Variants in MNX1 observed in about 807,000 individuals in gnomAD.
The protein encoded by MNX1 is motor neuron and pancreas homeobox protein 1.
In MNX1, 2 loss-of-function variants were observed where a neutral mutation model predicts 17.3. The ratio of observed to expected loss-of-function variants is 0.12; its 90% CI spans 0.05 to 0.36. MNX1 has a LOEUF of 0.36. Ranked by LOEUF, MNX1 falls within the 10% of genes least tolerant of loss-of-function variation. The probability of loss-of-function intolerance (pLI) is 1.00; values close to 1 mark genes in which losing one functional copy is unlikely to be tolerated. For synonymous variants in MNX1, 306 were observed against 283.1 expected (o/e 1.08, Z -0.81); for missense variants, 556 against 564.7 (o/e 0.98, Z 0.16).
rs767471983 is a variant in MNX1, at chr7:157,005,880, G to A, written c.853-7C>T. ...TCTGGAACCAAATCTTCACCTGCGG[G>A]CACAAGCGGGCGTGAGAAACCGGCC... On this transcript the variant is annotated splice_polypyrimidine_tract_variant and splice_region_variant and intron_variant, in intron 2 of 2. Coordinates refer to ENST00000252971, the MANE Select transcript of MNX1 (RefSeq NM_005515.4). The A allele has an allele frequency of 2.5e-6, 4 of 1,610,592 alleles. No homozygotes were observed. The highest frequency in any genetic ancestry group is 2.2e-5 in the South Asian group (2 of 91,084).
In MNX1 at chr7:157,006,870, T is replaced by TTTTTTTTTTTTTTTTTTG. The variant is rs1491442119; in HGVS notation, c.692-232_692-231insCAAAAAAAAAAAAAAAAA. ...TGAGACCAATTTTTTTTTTTTTTTT[T>TTTTTTTTTTTTTTTTTTG]GTCTAGGAGACGTCTGAGTGTCCCT... is the stretch of plus-strand genomic sequence containing the variant. On this transcript the variant is annotated intron_variant, in intron 1 of 2. Coordinates refer to ENST00000252971, the MANE Select transcript of MNX1 (RefSeq NM_005515.4). This position sits in a 1 kb window ranked among gnomAD's most constrained non-coding sequence, Gnocchi z 6.3. The TTTTTTTTTTTTTTTTTTG allele has an allele frequency of 2.4e-6, 1 of 419,488 alleles. No individual in the cohort carries two copies. Among genetic ancestry groups the TTTTTTTTTTTTTTTTTTG allele is most frequent in the Non-Finnish European group, 4.2e-6 (1 of 237,234 alleles). 26.0% of individuals were successfully genotyped at this position (419,488 alleles called of 1,614,324 possible).
At position 157,010,313 on chromosome 7, in the gene MNX1, A is replaced by C; in HGVS notation, c.38T>G (p.Leu13Arg). The change falls in exon 1 of 3, where the codon CTG becomes CGG. Residue 13 changes from leucine (L) to arginine (R), a missense_variant. Transcript: ENST00000252971. ...GGCGGCTCGTGGGGGGTCCACCGCCAGCAGGGCGTCGATGCGGAAATTTTT... is the reference window on the plus strand; with the variant it reads ...GGCGGCTCGTGGGGGGTCCACCGCCCGCAGGGCGTCGATGCGGAAATTTTT... ...KSKNFRIDAL[L>R]AVDPPRAASA... 6.3e-7 allele frequency: 1 copy of C among 1,578,152 alleles called. No individual in the cohort carries two copies. The highest frequency in any genetic ancestry group is 8.6e-7 in the Non-Finnish European group (1 of 1,162,934).
In MNX1 at chr7:157,006,593, G is replaced by C. The variant is rs1805603644; in HGVS notation, c.738C>G (p.Thr246=). ...CCAGCAGCTGCTGGCTGGTGAAGGC[G>C]GTGCGCGGCCGGCGGCACTTCCCCA... is the stretch of plus-strand genomic sequence containing the variant. ...NLLGKCRRPR[T]AFTSQQLLEL... is the part of the protein sequence containing the mutation. The change falls in exon 2 of 3, where the codon ACC becomes ACG. Residue 246 remains threonine (T), a synonymous_variant. Coordinates refer to ENST00000252971, the MANE Select transcript of MNX1 (RefSeq NM_005515.4). The surrounding 1 kb of genome is among the most constrained non-coding windows in gnomAD (Gnocchi z 6.3). 25 of 1,604,828 alleles carry C rather than the reference G, an allele frequency of 1.6e-5. No individual in the cohort carries two copies. The highest frequency in any genetic ancestry group is 2.0e-5 in the Non-Finnish European group (24 of 1,176,940).
chr7:157,005,932 C>A, intron 2 of MNX1, 59 bp from the exon 3 acceptor site: 1 of 1,591,690 alleles, frequency 6.3e-7, no homozygotes. Flanking sequence ...TTCCTGTCCC[C>A]GGAGTCCCCC....
chr7:157,005,795 C>T lies in MNX1; in HGVS notation c.931G>A (p.Glu311Lys). The T allele has an allele frequency of 6.2e-7, 1 of 1,611,744 alleles. No individual in the cohort carries two copies. ...KAKEQAAQEA[E>K]KQKGGGGGAG... ...CCCCCGCCGCCGCCCTTCTGTTTCT[C>T]CGCTTCCTGCGCCGCCTGCTCTTTG... Residue 311 changes from glutamate to lysine, a missense_variant, in exon 3 of 3, where the codon GAG becomes AAG. By Grantham distance (56) the Glu-to-Lys change is moderately conservative. This residue lies in a region of MNX1 where 178 missense variants were observed against 155.2 expected (regional missense o/e 1.15). Coordinates refer to ENST00000252971, the MANE Select transcript of MNX1 (RefSeq NM_005515.4).
chr7:157,005,988 C>G (rs868548398), intron 2 of MNX1, 115 bp from the exon 3 acceptor site: 6 of 1,165,104 alleles, frequency 5.1e-6, no homozygotes, highest in African/African-American at 4.6e-5. Context: ...GGAATGGCCT[C>G]AGGGTGAGAC....
At chr7:157,005,929 C>T (rs1805589141) in intron 2 of MNX1, 56 bp from the exon 3 acceptor site, 4 of 1,590,550 alleles carry the variant, frequency 2.5e-6, no homozygotes, top group Non-Finnish European at 3.4e-6. Context: ...GGCTTCCTGT[C>T]CCCGGAGTCC....
At chr7:157,007,556 A>T (rs565988928) in intron 1 of MNX1, 1 of 152,364 alleles carries the variant, frequency 6.6e-6, no homozygotes, top group African/African-American at 2.4e-5. Context: ...AATTCTCATT[A>T]CGCAAATTAC....
At chr7:157,005,965 T>C (rs1805590116) in intron 2 of MNX1, 92 bp from the exon 3 acceptor site, 34 of 1,473,268 alleles carry the variant, frequency 2.3e-5, no homozygotes, top group Non-Finnish European at 3.1e-5. Context: ...CTGGGCCCCA[T>C]TGGGTCGGCC....
Position 157,005,533 on chromosome 7 carries a change from G to A in MNX1, c.1193C>T (p.Pro398Leu), listed in dbSNP as rs548959409. The change falls in exon 3 of 3, where the codon CCC becomes CTC. Residue 398 changes from proline (P) to leucine (L), a missense_variant. Transcript: ENST00000252971. ...DSPPPRPSHQPAPQ is the reference protein window; with the variant it reads ...DSPPPRPSHQLAPQ The stretch of plus-strand genomic sequence containing the variant: ...GCCGCGGGGCTCCTACTGGGGCGCG[G>A]GCTGGTGGCTGGGCCGCGGGGGCGG... The A allele has an allele frequency of 7.8e-5, 118 of 1,521,606 alleles. No individual in the cohort carries two copies. The South Asian group carries it at 1.3e-3, about 17-fold the overall frequency. The allele number at this position is 1,521,606 out of a possible 1,614,324, so 94.3% of individuals were successfully genotyped here. A position where few individuals can be genotyped will look rare whatever the true frequency, so the allele number is the denominator to read the frequency against.
At chr7:157,008,920 A>T in intron 1 of MNX1, 2 of 1,438,748 alleles carry the variant, frequency 1.4e-6, no homozygotes, top group Non-Finnish European at 1.9e-6. Flanking sequence ...ATGGAGAGGA[A>T]GCTGCCCGAA....
intron 1 of MNX1, 93 bp downstream of exon 1, chr7:157,009,567 G>A (rs1805668559): frequency 6.5e-7 from 1 of 1,533,056 alleles, no homozygotes; most frequent in Non-Finnish European, 8.8e-7. Flanking sequence ...CCCGCTCGCT[G>A]GGAGCCAAGC....
chr7:157,005,768 C>A lies in MNX1; in HGVS notation c.958G>T (p.Ala320Ser), dbSNP rs1805585236. 2 of 1,609,644 alleles carry A rather than the reference C, an allele frequency of 1.2e-6. No individual in the cohort carries two copies. The highest frequency in any genetic ancestry group is 1.7e-5 in the Admixed American group (1 of 59,982). ...GGCTCCTCCGCGCCGCCCTTCCCCG[C>A]GCCCCCGCCGCCGCCCTTCTGTTTC... Reference protein sequence around the residue: ...AEKQKGGGGGAGKGGAEEPGA... With the variant: ...AEKQKGGGGGSGKGGAEEPGA... The change falls in exon 3 of 3, where the codon GCG becomes TCG. Residue 320 changes from alanine (A) to serine (S), a missense_variant. Transcript: ENST00000252971.
In MNX1 at chr7:157,006,718, A is replaced by G; in HGVS notation, c.692-79T>C. 1 of 1,444,460 alleles carries G rather than the reference A, an allele frequency of 6.9e-7. No homozygotes were observed. The highest frequency in any genetic ancestry group is 2.5e-5 in the East Asian group (1 of 40,022). 89.5% of individuals were successfully genotyped at this position (1,444,460 alleles called of 1,614,324 possible). On this transcript the variant is annotated intron_variant, in intron 1 of 2. Transcript: ENST00000252971. This position sits in a 1 kb window ranked among gnomAD's most constrained non-coding sequence, Gnocchi z 6.3. ...CCCTCCCGTTGCTGCTTGTACCACT[A>G]CACTCAAGGCCCCAGCGCCAAGGCC...
Position 157,005,238 on chromosome 7 carries a change from C to A in MNX1, c.*282G>T. The A allele has an allele frequency of 4.0e-6, 1 of 251,386 alleles. No homozygotes were observed. The highest frequency in any genetic ancestry group is 5.5e-5 in the Admixed American group (1 of 18,324). The allele number at this position is 251,386 out of a possible 1,614,324, so 15.6% of individuals were successfully genotyped here. ...CACTCGCGCCTCCCCCAACACCAAC[C>A]AAAATTAATTTTAAAAGAACCAGAG... On this transcript the variant is annotated 3_prime_UTR_variant, in exon 3 of 3. Coordinates refer to ENST00000252971, the MANE Select transcript of MNX1 (RefSeq NM_005515.4).
Position 157,005,041 on chromosome 7 carries a change from G to GT in MNX1, c.*478dup, listed in dbSNP as rs1805562759. On this transcript the variant is annotated 3_prime_UTR_variant, in exon 3 of 3. Transcript: ENST00000252971. Reference sequence around the variant, plus strand: ...ACATAATCCCCCCGACCCCAGAGACGTAAGCATAAACCCTTTTTTCTTTTT... The same window carrying GT: ...ACATAATCCCCCCGACCCCAGAGACGTTAAGCATAAACCCTTTTTTCTTTTT... 3 of 223,764 alleles carry GT rather than the reference G, an allele frequency of 1.3e-5. No homozygotes were observed. Among genetic ancestry groups the GT allele is most frequent in the Non-Finnish European group, 2.7e-5 (3 of 112,234 alleles). 13.9% of individuals were successfully genotyped at this position (223,764 alleles called of 1,614,324 possible). A position where few individuals can be genotyped will look rare whatever the true frequency, so the allele number is the denominator to read the frequency against.
In MNX1 at chr7:157,006,224, G is replaced by C; in HGVS notation, c.852+255C>G. ...CAGGATGTTCCCTCCTCTCTTTCTGGAACAAAATTTCTCGAATGCGGCCTG... is the reference window on the plus strand; with the variant it reads ...CAGGATGTTCCCTCCTCTCTTTCTGCAACAAAATTTCTCGAATGCGGCCTG... On this transcript the variant is annotated intron_variant, in intron 2 of 2. Transcript: ENST00000252971. This position sits in a 1 kb window ranked among gnomAD's most constrained non-coding sequence, Gnocchi z 6.3. 1.7e-6 allele frequency: 1 copy of C among 585,234 alleles called. No homozygotes were observed. Among genetic ancestry groups the C allele is most frequent in the Non-Finnish European group, 3.0e-6 (1 of 330,916 alleles). The allele number at this position is 585,234 out of a possible 1,614,324, so 36.3% of individuals were successfully genotyped here.
rs1046620522 is a variant in MNX1, at chr7:157,006,946, G to A, written c.692-307C>T. The A allele has an allele frequency of 3.3e-5, 9 of 272,338 alleles. No individual in the cohort carries two copies. The highest frequency in any genetic ancestry group is 1.9e-4 in the African/African-American group (8 of 41,700). The allele number at this position is 272,338 out of a possible 1,614,324, so 16.9% of individuals were successfully genotyped here. ...CTTCCTCTCCACAGGAGCCGGCTTT[G>A]GTAGCAGTGGATTGACCCAGAGGCA... On this transcript the variant is annotated intron_variant, in intron 1 of 2. Transcript: ENST00000252971. This position sits in a 1 kb window ranked among gnomAD's most constrained non-coding sequence, Gnocchi z 6.3.
chr7:157,010,163 G>A lies in MNX1; in HGVS notation c.188C>T (p.Ser63Leu). 8.8e-7 allele frequency: 1 copy of A among 1,134,892 alleles called. No individual in the cohort carries two copies. Among genetic ancestry groups the A allele is most frequent in the Middle Eastern group, 3.7e-4 (1 of 2,696 alleles). 70.3% of individuals were successfully genotyped at this position (1,134,892 alleles called of 1,614,324 possible). A position where few individuals can be genotyped will look rare whatever the true frequency, so the allele number is the denominator to read the frequency against. Reference protein sequence around the residue: ...GTSGSCSPASSEPPAAPADRL... With the variant: ...GTSGSCSPASLEPPAAPADRL... Reference sequence around the variant, plus strand: ...GTCGGCGGGCGCAGCCGGCGGCTCCGAGGACGCGGGGCTGCAGCTGCCGCT... The same window carrying A: ...GTCGGCGGGCGCAGCCGGCGGCTCCAAGGACGCGGGGCTGCAGCTGCCGCT... Residue 63 changes from serine to leucine, a missense_variant, in exon 1 of 3, where the codon TCG becomes TTG. Transcript: ENST00000252971.
Sources: allele counts gnomAD v4.1 joint callset, GRCh38; gene constraint gnomAD v4.1.1; regional missense constraint gnomAD v4.1.1; non-coding constraint Gnocchi (gnomAD v3.1); transcripts MANE v1.5; gene names NCBI Gene and HGNC (gene_info 2026-07-23, HGNC 2026-07-21).